The following CDIN1 variants were observed in gnomAD, a reference collection of about 807,000 sequenced individuals.
The protein encoded by CDIN1 is CDAN1-interacting nuclease 1.
In CDIN1, 33 loss-of-function variants were observed where a neutral mutation model predicts 45.3. The observed-to-expected ratio is 0.73, with a 90% CI of 0.55 to 0.97. CDIN1 has a LOEUF of 0.97. Ranked by LOEUF, CDIN1 falls within the 50% of genes least tolerant of loss-of-function variation. The probability of loss-of-function intolerance (pLI) is 0.00; values close to 1 mark genes in which losing one functional copy is unlikely to be tolerated. For missense variants in CDIN1, 303 were observed against 339.4 expected (o/e 0.89, Z 0.84); for synonymous variants, 118 against 124.4 (o/e 0.95, Z 0.34).
At chr15:36,590,798 CTA>C (rs1314194555) in intron 1 of CDIN1, among the ~76,000 whole-genome samples, 3 of 152,118 alleles carry the variant, frequency 2.0e-5, no homozygotes, top group African/African-American at 7.2e-5. Flanking sequence ...TCACTTAAGA[CTA>C]TTGAAAATCC....
At chr15:36,586,317 C>T (rs1380479120) in intron 1 of CDIN1, among the ~76,000 whole-genome samples, 3 of 151,546 alleles carry the variant, frequency 2.0e-5, no homozygotes, top group African/African-American at 7.3e-5. Flanking sequence ...CCCTTTTTCC[C>T]ATTGATTTTA....
chr15:36,734,139 A>G (rs189692692), intron 10 of CDIN1, among the ~76,000 whole-genome samples: 1 of 152,036 alleles, frequency 6.6e-6, no homozygotes, highest in African/African-American at 2.4e-5. Flanking sequence ...TAAAAGGCCT[A>G]CTCTTTTTGA....
chr15:36,608,926 T>C (rs1352441798), intron 1 of CDIN1, among the ~76,000 whole-genome samples: 1 of 152,150 alleles, frequency 6.6e-6, no homozygotes, highest in African/African-American at 2.4e-5. Flanking sequence ...CACAAATATA[T>C]ATATTTAAAG....
chr15:36,734,543 G>C (rs1196912108), intron 10 of CDIN1, among the ~76,000 whole-genome samples: 1 of 152,004 alleles, frequency 6.6e-6, no homozygotes, highest in Non-Finnish European at 1.5e-5. Flanking sequence ...ACCCAAGTTT[G>C]TTCTTCTAGA....
chr15:36,699,609 T>G (rs935852634), intron 8 of CDIN1, among the ~76,000 whole-genome samples: 1 of 152,196 alleles, frequency 6.6e-6, no homozygotes, highest in African/African-American at 2.4e-5. Flanking sequence ...CTTCTTAATT[T>G]AAGAATTATG....
intron 1 of CDIN1, among the ~76,000 whole-genome samples, chr15:36,581,994 A>G (rs1044668906): frequency 6.6e-5 from 10 of 152,262 alleles, no homozygotes; most frequent in Admixed American, 3.3e-4. Flanking sequence ...ATTTGTTAAT[A>G]TCATCTCTAA....
chr15:36,597,641 A>T lies in CDIN1; in HGVS notation c.101+17680A>T, dbSNP rs564228681. On this transcript the variant is annotated intron_variant, in intron 1 of 10. Coordinates refer to ENST00000566621, the MANE Select transcript of CDIN1 (RefSeq NM_001321759.2). ...AACTGTATTTGACTTCATCGTCTTT[A>T]TCTTTCCTTTCTGACGGTGCAGTAT... Among the ~76,000 whole-genome samples the T allele has an allele frequency of 5.3e-5, 8 of 152,260 alleles. No individual in the cohort carries two copies. The South Asian group carries it at 1.7e-3, about 32-fold the overall frequency.
intron 5 of CDIN1, among the ~76,000 whole-genome samples, chr15:36,674,812 G>C (rs1032870124): frequency 2.6e-5 from 4 of 151,982 alleles, no homozygotes; most frequent in African/African-American, 9.7e-5. Context: ...ATCCATTATC[G>C]TTTGTCATGA....
At chr15:36,596,930 T>G (rs993337709) in intron 1 of CDIN1, among the ~76,000 whole-genome samples, 4 of 152,198 alleles carry the variant, frequency 2.6e-5, no homozygotes, top group African/African-American at 9.7e-5. Flanking sequence ...TTATAAAAAT[T>G]TAAGACATGT....
intron 1 of CDIN1, among the ~76,000 whole-genome samples, chr15:36,593,625 G>A (rs564186644): frequency 5.3e-5 from 8 of 152,192 alleles, no homozygotes; most frequent in Admixed American, 6.5e-5. Flanking sequence ...GTGCAGTGGC[G>A]TGATCTCGGC....
chr15:36,715,893 T>C (rs2043199714), intron 10 of CDIN1, among the ~76,000 whole-genome samples: 1 of 152,190 alleles, frequency 6.6e-6, no homozygotes, highest in African/African-American at 2.4e-5. Flanking sequence ...ATAATGGTTA[T>C]AATGGATAAG....
chr15:36,732,372 G>A (rs2043863596), intron 10 of CDIN1, among the ~76,000 whole-genome samples: 1 of 149,062 alleles, frequency 6.7e-6, no homozygotes, highest in African/African-American at 2.5e-5. Context: ...GTTGCACCTT[G>A]ATTCCATCAG....
intron 1 of CDIN1, among the ~76,000 whole-genome samples, chr15:36,621,133 G>A (rs778443427): frequency 6.6e-6 from 1 of 152,040 alleles, no homozygotes; most frequent in African/African-American, 2.4e-5. Flanking sequence ...TTCTTTTAAG[G>A]GATAATTTGT....
At chr15:36,806,062 A>C (rs1358034481) in intron 10 of CDIN1, among the ~76,000 whole-genome samples, 1 of 152,236 alleles carries the variant, frequency 6.6e-6, no homozygotes, top group Non-Finnish European at 1.5e-5. Context: ...TTAGGTAGAC[A>C]GTAGAGTCTT....
chr15:36,737,459 T>C (rs188713968), intron 10 of CDIN1, among the ~76,000 whole-genome samples: 1 of 152,318 alleles, frequency 6.6e-6, no homozygotes, highest in Admixed American at 6.5e-5. Flanking sequence ...GTTTCATTTG[T>C]GTGTGCCATT....
At chr15:36,631,597 A>C (rs1412427234) in intron 1 of CDIN1, among the ~76,000 whole-genome samples, 1 of 152,124 alleles carries the variant, frequency 6.6e-6, no homozygotes, top group Non-Finnish European at 1.5e-5. Context: ...ATTTCTTCTT[A>C]TTGCTGGATA....
At chr15:36,594,678 C>A (rs1269545659) in intron 1 of CDIN1, among the ~76,000 whole-genome samples, 2 of 152,056 alleles carry the variant, frequency 1.3e-5, no homozygotes, top group South Asian at 2.1e-4. Context: ...ATACAGATGA[C>A]CTTTGTGCGC....
intron 5 of CDIN1, chr15:36,668,899 G>A: frequency 6.6e-6 from 1 of 152,064 alleles, no homozygotes; most frequent in East Asian, 1.9e-4. Context: ...TGCCTGGCAT[G>A]TTACTTGGCA....
intron 10 of CDIN1, among the ~76,000 whole-genome samples, chr15:36,788,533 C>T (rs1356864190): frequency 6.6e-6 from 1 of 151,916 alleles, no homozygotes; most frequent in Non-Finnish European, 1.5e-5. Flanking sequence ...AATAAAAAAA[C>T]CCAATTTATA....
Sources: gnomAD v4.1 joint callset for allele counts (sites outside exome capture counted in the v4.1 genomes callset) on GRCh38, gnomAD v4.1.1 for gene constraint, MANE v1.5 for transcripts, NCBI Gene and HGNC (gene_info 2026-07-23, HGNC 2026-07-21) for gene names.